The following CSMD2 variants were observed in gnomAD, a reference collection of about 807,000 sequenced individuals.
CSMD2 encodes the protein CUB and Sushi multiple domains 2, also known as CUB and sushi domain-containing protein 2.
Under a neutral mutation model 398.5 loss-of-function variants are expected in CSMD2, and 130 were observed. The ratio of observed to expected loss-of-function variants is 0.33; its 90% CI spans 0.28 to 0.38. The LOEUF is 0.38. Ranked by LOEUF, CSMD2 falls within the 10% of genes least tolerant of loss-of-function variation. The probability of loss-of-function intolerance (pLI) is 1.00; values close to 1 mark genes in which losing one functional copy is unlikely to be tolerated. For missense variants in CSMD2, 3,829 were observed against 4,764.9 expected (o/e 0.80, Z 5.78); for synonymous variants, 1,828 against 1,908.5 (o/e 0.96, Z 1.10).
chr1:33,818,188 T>G (rs2124988998), intron 9 of CSMD2, among the ~76,000 whole-genome samples: 1 of 152,274 alleles, frequency 6.6e-6, no homozygotes, highest in Non-Finnish European at 1.5e-5. Flanking sequence ...ATGGGCAGGG[T>G]CCCTTGGTCC....
chr1:33,609,744 T>C (rs1002300244), intron 41 of CSMD2, among the ~76,000 whole-genome samples: 3 of 152,158 alleles, frequency 2.0e-5, no homozygotes, highest in African/African-American at 7.2e-5. Flanking sequence ...TACAGCAATA[T>C]ATATACCGAG....
intron 3 of CSMD2, among the ~76,000 whole-genome samples, chr1:34,023,235 G>T (rs566602801): frequency 6.6e-6 from 1 of 152,204 alleles, no homozygotes; most frequent in Non-Finnish European, 1.5e-5. Flanking sequence ...TGAATCTTTT[G>T]TTGGATAGTG....
intron 21 of CSMD2, among the ~76,000 whole-genome samples, chr1:33,713,236 C>G (rs559253957): frequency 1.3e-5 from 2 of 152,130 alleles, no homozygotes; most frequent in African/African-American, 2.4e-5. Context: ...AGCCTGGGCC[C>G]GGCTCATCTT....
intron 29 of CSMD2, among the ~76,000 whole-genome samples, chr1:33,637,869 G>C (rs1352926417): frequency 2.6e-5 from 4 of 152,148 alleles, no homozygotes; most frequent in Non-Finnish European, 5.9e-5. Context: ...ATTCATCAGA[G>C]ATGAATGGCT....
intron 55 of CSMD2, among the ~76,000 whole-genome samples, chr1:33,556,686 T>C (rs923584196): frequency 3.9e-5 from 6 of 152,166 alleles, no homozygotes; most frequent in African/African-American, 1.4e-4. Flanking sequence ...TCTTGAATTG[T>C]AGTTCCCATA....
At chr1:33,653,428 A>G (rs1643866350) in intron 27 of CSMD2, among the ~76,000 whole-genome samples, 1 of 152,230 alleles carries the variant, frequency 6.6e-6, no homozygotes, top group African/African-American at 2.4e-5. Context: ...CTACGCTGCC[A>G]GTGCTCCTGG....
intron 5 of CSMD2, among the ~76,000 whole-genome samples, chr1:33,889,122 G>T (rs1259817535): frequency 1.3e-5 from 2 of 152,136 alleles, no homozygotes; most frequent in Admixed American, 6.5e-5. Flanking sequence ...TGCTGTGAGA[G>T]ACAACAAAGT....
chr1:33,546,834 C>T (rs1388172373), intron 56 of CSMD2, among the ~76,000 whole-genome samples: 1 of 151,966 alleles, frequency 6.6e-6, no homozygotes, highest in African/African-American at 2.4e-5. Flanking sequence ...TTCTTAACCG[C>T]CTAGCTTGAA....
At chr1:33,980,113 A>G (rs714078) in intron 3 of CSMD2, among the ~76,000 whole-genome samples, 45,528 of 151,946 alleles carry the variant, frequency 0.3, 7,229 homozygotes, top group Non-Finnish European at 0.34. Context: ...CAGAACCCTC[A>G]ACTCTTATCT....
At chr1:33,698,466 C>A (rs1052252308) in intron 24 of CSMD2, among the ~76,000 whole-genome samples, 2 of 152,122 alleles carry the variant, frequency 1.3e-5, no homozygotes, top group Admixed American at 1.3e-4. Context: ...CGCTATCACC[C>A]GCGTTACAAT....
At chr1:33,744,951 C>T (rs1274045573) in intron 13 of CSMD2, among the ~76,000 whole-genome samples, 2 of 152,126 alleles carry the variant, frequency 1.3e-5, no homozygotes, top group Non-Finnish European at 2.9e-5. Context: ...AAGACTGACT[C>T]AGTAATCTCT....
intron 3 of CSMD2, among the ~76,000 whole-genome samples, chr1:33,990,318 T>C (rs866655649): frequency 2.0e-5 from 3 of 152,050 alleles, no homozygotes; most frequent in African/African-American, 4.8e-5. Context: ...TAGGATGTAG[T>C]AGTAATGTAA....
intron 3 of CSMD2, among the ~76,000 whole-genome samples, chr1:34,011,092 GC>G (rs1218293019): frequency 6.6e-6 from 1 of 152,098 alleles, no homozygotes; most frequent in Non-Finnish European, 1.5e-5. Context: ...CCCCTTCACA[GC>G]CTTGGTCACT....
chr1:33,908,791 C>T (rs956300304), intron 5 of CSMD2, among the ~76,000 whole-genome samples: 1 of 152,230 alleles, frequency 6.6e-6, no homozygotes, highest in Non-Finnish European at 1.5e-5. Flanking sequence ...CATGCTAAGG[C>T]ACTAATCTTT....
intron 2 of CSMD2, among the ~76,000 whole-genome samples, chr1:34,069,135 A>G (rs1655438228): frequency 6.6e-6 from 1 of 152,178 alleles, no homozygotes; most frequent in Admixed American, 6.5e-5. Flanking sequence ...AGGGCCTCAT[A>G]AATGTGGCAA....
At chr1:33,743,253 C>T in intron 14 of CSMD2, 27 bp downstream of exon 14, 2 of 1,556,922 alleles carry the variant, frequency 1.3e-6, no homozygotes, top group Non-Finnish European at 1.7e-6. Flanking sequence ...AGATGGAGGG[C>T]CAGCTGGTGA....
At chr1:34,101,366 T>A (rs1326365482) in intron 1 of CSMD2, among the ~76,000 whole-genome samples, 2 of 152,220 alleles carry the variant, frequency 1.3e-5, no homozygotes, top group Non-Finnish European at 1.5e-5. Context: ...TTTGGATGAT[T>A]TGGATGATTT....
intron 1 of CSMD2, among the ~76,000 whole-genome samples, chr1:34,152,154 T>G (rs1363764042): frequency 6.6e-6 from 1 of 152,168 alleles, no homozygotes; most frequent in Non-Finnish European, 1.5e-5. Flanking sequence ...CTTGGCCTAT[T>G]TCCTTTCTAG....
At chr1:33,972,452 C>CAGATG (rs1450812250) in intron 3 of CSMD2, among the ~76,000 whole-genome samples, 2 of 152,132 alleles carry the variant, frequency 1.3e-5, no homozygotes, top group Non-Finnish European at 2.9e-5. Context: ...AAAGAGACTA[C>CAGATG]AGATGTCATT....
Sources: allele counts gnomAD v4.1 joint callset (sites outside exome capture counted in the v4.1 genomes callset), GRCh38; gene constraint gnomAD v4.1.1; transcripts MANE v1.5; gene names NCBI Gene and HGNC (gene_info 2026-07-23, HGNC 2026-07-21).